Variants in MACROD2 observed in about 807,000 individuals in gnomAD.
MACROD2 encodes the protein mono-ADP ribosylhydrolase 2.
Under a neutral mutation model 70.4 loss-of-function variants are expected in MACROD2, and 36 were observed. The ratio of observed to expected loss-of-function variants is 0.51; its 90% CI spans 0.39 to 0.68. The LOEUF is 0.68. MACROD2 is among the 30% of genes least tolerant of loss of function. MACROD2 has a pLI of 0.00. For synonymous variants in MACROD2, 172 were observed against 178.8 expected (o/e 0.96, Z 0.30); for missense variants, 496 against 538.4 (o/e 0.92, Z 0.78).
At chr20:14,956,443 A>C (rs2074537651) in intron 5 of MACROD2, among the ~76,000 whole-genome samples, 1 of 152,192 alleles carries the variant, frequency 6.6e-6, no homozygotes, top group Non-Finnish European at 1.5e-5. Flanking sequence ...AAGATAAAAT[A>C]GAGTGGAATT....
intron 4 of MACROD2, among the ~76,000 whole-genome samples, chr20:14,637,148 T>A (rs1568713069): frequency 6.6e-6 from 1 of 152,240 alleles, no homozygotes; most frequent in East Asian, 1.9e-4. Flanking sequence ...GGGGGAAGAA[T>A]AGAGATTCAG....
chr20:14,417,057 TC>T (rs1382500242), intron 3 of MACROD2, among the ~76,000 whole-genome samples: 23 of 75,676 alleles, frequency 3.0e-4, no homozygotes, highest in African/African-American at 7.5e-4. Flanking sequence ...TATCTATCTA[TC>T]TATCTATCAT....
chr20:14,581,486 C>G (rs1981014206), intron 4 of MACROD2, among the ~76,000 whole-genome samples: 1 of 152,126 alleles, frequency 6.6e-6, no homozygotes, highest in African/African-American at 2.4e-5. Context: ...AGCATGACTT[C>G]CTTAATTTAG....
At chr20:15,173,851 T>C (rs1386868758) in intron 5 of MACROD2, among the ~76,000 whole-genome samples, 1 of 152,188 alleles carries the variant, frequency 6.6e-6, no homozygotes, top group Non-Finnish European at 1.5e-5. Context: ...ACTCAAAGTA[T>C]AAGTTAATGG....
intron 6 of MACROD2, among the ~76,000 whole-genome samples, chr20:15,293,343 A>C (rs1394713831): frequency 6.6e-6 from 1 of 152,242 alleles, no homozygotes; most frequent in East Asian, 1.9e-4. Flanking sequence ...ATTAAGTTTT[A>C]GAATATTGCG....
At chr20:14,730,637 A>G (rs562484473) in intron 5 of MACROD2, among the ~76,000 whole-genome samples, 2 of 152,322 alleles carry the variant, frequency 1.3e-5, no homozygotes, top group South Asian at 4.1e-4. Flanking sequence ...ATGCACTTCA[A>G]GAAGAGAATC....
At chr20:15,835,370 G>A (rs1253173129) in intron 8 of MACROD2, among the ~76,000 whole-genome samples, 1 of 151,976 alleles carries the variant, frequency 6.6e-6, no homozygotes, top group Non-Finnish European at 1.5e-5. Context: ...CAAAAAAAAT[G>A]GGTTTGCCAT....
chr20:14,739,763 TTGAC>T lies in MACROD2; in HGVS notation c.418+54808_418+54811del, dbSNP rs1252901605. Among the ~76,000 whole-genome samples, 11 of 152,150 alleles carry T rather than the reference TTGAC, an allele frequency of 7.2e-5. 1 individual carries two copies. In the South Asian group the frequency reaches 1.0e-3, roughly 14 times the overall value. On this transcript the variant is annotated intron_variant, in intron 5 of 17. Transcript: ENST00000684519. ...ATATACATTACACTGTTTTTTTACA[TTGAC>T]TGAATATTGGAAGCATTCCAAATAC...
chr20:16,044,322 C>T (rs1189799141), intron 16 of MACROD2, among the ~76,000 whole-genome samples: 1 of 152,018 alleles, frequency 6.6e-6, no homozygotes, highest in Non-Finnish European at 1.5e-5. Flanking sequence ...TCACCTCTCA[C>T]CAGGCCCCAC....
At chr20:15,196,056 C>T (rs567574440) in intron 5 of MACROD2, among the ~76,000 whole-genome samples, 43 of 152,094 alleles carry the variant, frequency 2.8e-4, no homozygotes, top group Admixed American at 2.2e-3. Flanking sequence ...CACGGGGGAA[C>T]GACACACACT....
At chr20:14,336,705 C>A (rs904233009) in intron 3 of MACROD2, among the ~76,000 whole-genome samples, 3 of 152,168 alleles carry the variant, frequency 2.0e-5, no homozygotes, top group Admixed American at 2.0e-4. Context: ...ATTTACTATG[C>A]TAGTCACATA....
At chr20:15,993,581 A>G (rs555723362) in intron 15 of MACROD2, among the ~76,000 whole-genome samples, 1 of 152,194 alleles carries the variant, frequency 6.6e-6, no homozygotes, top group Non-Finnish European at 1.5e-5. Flanking sequence ...CTAGCAACAT[A>G]TTTCTCAGAA....
rs186542421 is a variant in MACROD2 at position 15,913,258 on chromosome 20, C to T, written c.776-20018C>T. On this transcript the variant is annotated intron_variant, in intron 10 of 17. Coordinates refer to ENST00000684519, the MANE Select transcript of MACROD2 (RefSeq NM_001351661.2). ...AGAAAACAAATGCCTTTTTAAATAACCTGGTTGTAGAATTCAAACTGGCTC... is the reference window on the plus strand; with the variant it reads ...AGAAAACAAATGCCTTTTTAAATAATCTGGTTGTAGAATTCAAACTGGCTC... Among the ~76,000 whole-genome samples the T allele has an allele frequency of 8.0e-3, 1,210 of 152,012 alleles. 9 individuals are homozygous for T. Among genetic ancestry groups the T allele is most frequent in the Non-Finnish European group, 0.013 (868 of 67,976 alleles).
intron 4 of MACROD2, among the ~76,000 whole-genome samples, chr20:14,542,626 G>A (rs936534701): frequency 1.4e-4 from 22 of 152,114 alleles, no homozygotes; most frequent in African/African-American, 5.3e-4. Context: ...TATTTAAGGA[G>A]AATTTTTCTG....
At chr20:15,896,825 C>A (rs1350380154) in intron 10 of MACROD2, among the ~76,000 whole-genome samples, 2 of 152,228 alleles carry the variant, frequency 1.3e-5, no homozygotes, top group South Asian at 4.1e-4. Flanking sequence ...GTTTCACACA[C>A]TCAACACCAT....
At chr20:15,374,485 CTTTACATG>C (rs1490923858) in intron 6 of MACROD2, among the ~76,000 whole-genome samples, 1 of 152,054 alleles carries the variant, frequency 6.6e-6, no homozygotes, top group Non-Finnish European at 1.5e-5. Context: ...CTATTTATAT[CTTTACATG>C]TTTACCTTCC....
At chr20:15,483,090 T>A (rs1177960655) in intron 7 of MACROD2, among the ~76,000 whole-genome samples, 1 of 152,226 alleles carries the variant, frequency 6.6e-6, no homozygotes, top group Non-Finnish European at 1.5e-5. Flanking sequence ...TAGCTTATTT[T>A]TTTCATAAAG....
chr20:16,016,760 G>A lies in MACROD2; in HGVS notation c.1154-24441G>A, dbSNP rs141386515. On this transcript the variant is annotated intron_variant, in intron 15 of 17. Transcript: ENST00000684519. ...CATGTTGGCCATGCTGGTCTCGAAC[G>A]AAACTGAGCTTTTAATATCCGCTTC... is the stretch of plus-strand genomic sequence containing the variant. Among the ~76,000 whole-genome samples, 452 of 152,160 alleles carry A rather than the reference G, an allele frequency of 3.0e-3. 2 individuals carry two copies. Among genetic ancestry groups the A allele is most frequent in the African/African-American group, 0.01 (423 of 41,532 alleles).
chr20:15,121,546 AT>A (rs2076031313), intron 5 of MACROD2, among the ~76,000 whole-genome samples: 1 of 151,764 alleles, frequency 6.6e-6, no homozygotes, highest in Non-Finnish European at 1.5e-5. Context: ...AAGAAAGAAA[AT>A]GCCCTAAGGA....
Sources: gnomAD v4.1 joint callset for allele counts (sites outside exome capture counted in the v4.1 genomes callset) on GRCh38, gnomAD v4.1.1 for gene constraint, MANE v1.5 for transcripts, NCBI Gene and HGNC (gene_info 2026-07-23, HGNC 2026-07-21) for gene names.